DYRK1A: variants seen among roughly 807,000 people sequenced by gnomAD.
DYRK1A encodes the protein dual specificity tyrosine-phosphorylation-regulated kinase 1A.
Under a neutral mutation model 79.7 loss-of-function variants are expected in DYRK1A, and 9 were observed. The ratio of observed to expected loss-of-function variants is 0.11; its 90% CI spans 0.07 to 0.20. The LOEUF is 0.20. Ranked by LOEUF, DYRK1A falls within the 10% of genes least tolerant of loss-of-function variation. The pLI, the probability that DYRK1A is intolerant of heterozygous loss-of-function variation, is 1.00. For missense variants in DYRK1A, 622 were observed against 956.0 expected (o/e 0.65, Z 4.61); for synonymous variants, 349 against 329.7 (o/e 1.06, Z -0.63).
At chr21:37,495,380 G>A (rs745852216) in intron 8 of DYRK1A, among the ~76,000 whole-genome samples, 5 of 152,080 alleles carry the variant, frequency 3.3e-5, no homozygotes, top group Non-Finnish European at 7.4e-5. Flanking sequence ...GCATGGGGCC[G>A]GGCACGGTGG....
At chr21:37,478,490 AAAGAT>A (rs1248950344) in intron 4 of DYRK1A, among the ~76,000 whole-genome samples, 190 bp downstream of exon 4, 2 of 152,214 alleles carry the variant, frequency 1.3e-5, no homozygotes, top group African/African-American at 4.8e-5. Context: ...TGCAGAGTAT[AAAGAT>A]AATTGTGGAT....
intron 1 of DYRK1A, among the ~76,000 whole-genome samples, chr21:37,385,756 A>G (rs1211748673): frequency 6.6e-6 from 1 of 152,214 alleles, no homozygotes; most frequent in Non-Finnish European, 1.5e-5. Context: ...GCTTTAAGAA[A>G]GCACTTTTAG....
intron 2 of DYRK1A, among the ~76,000 whole-genome samples, chr21:37,459,899 T>C (rs1364030894): frequency 6.6e-6 from 1 of 152,206 alleles, no homozygotes; most frequent in African/African-American, 2.4e-5. Flanking sequence ...TTGAGAATAC[T>C]TGTATGCAAA....
Position 37,419,753 on chromosome 21 carries a change from G to T in DYRK1A, c.-76-546G>T, listed in dbSNP as rs181832756. On this transcript the variant is annotated intron_variant, in intron 1 of 11. Coordinates refer to ENST00000647188, the MANE Select transcript of DYRK1A (RefSeq NM_001347721.2). Reference sequence around the variant, plus strand: ...GCAATAAGTAGGAAGTACTGTAAAAGAATTACAATAAAATAAGAGAAACCA... The same window carrying T: ...GCAATAAGTAGGAAGTACTGTAAAATAATTACAATAAAATAAGAGAAACCA... The T allele has an allele frequency of 2.6e-5, 4 of 152,260 alleles. No individual in the cohort carries two copies. The East Asian group carries it at 7.7e-4, about 29-fold the overall frequency. 9.4% of individuals were successfully genotyped at this position (152,260 alleles called of 1,614,324 possible). A position where few individuals can be genotyped will look rare whatever the true frequency, so the allele number is the denominator to read the frequency against.
intron 2 of DYRK1A, among the ~76,000 whole-genome samples, chr21:37,444,988 T>A (rs2051222157): frequency 6.6e-6 from 1 of 152,028 alleles, no homozygotes; most frequent in Admixed American, 6.6e-5. Context: ...TATTTCCATT[T>A]TACAAATGAG....
chr21:37,465,974 C>G (rs539713446), intron 2 of DYRK1A, among the ~76,000 whole-genome samples: 1 of 152,194 alleles, frequency 6.6e-6, no homozygotes, highest in Admixed American at 6.5e-5. Flanking sequence ...TTGTCACCTC[C>G]GCAAGACAGT....
chr21:37,441,491 G>A (rs2051102351), intron 2 of DYRK1A, among the ~76,000 whole-genome samples: 1 of 151,852 alleles, frequency 6.6e-6, no homozygotes, highest in African/African-American at 2.4e-5. Flanking sequence ...CTTTTATTCT[G>A]CTTTTGGATT....
chr21:37,500,027 C>G (rs944502074), intron 9 of DYRK1A, among the ~76,000 whole-genome samples: 1 of 152,152 alleles, frequency 6.6e-6, no homozygotes, highest in African/African-American at 2.4e-5. Flanking sequence ...GTGTGGATTT[C>G]AGCATATTTG....
intron 5 of DYRK1A, among the ~76,000 whole-genome samples, chr21:37,485,292 A>G (rs997165238): frequency 6.6e-6 from 1 of 152,230 alleles, no homozygotes; most frequent in African/African-American, 2.4e-5. Flanking sequence ...TAGTGCAGTC[A>G]GTACATCCAG....
chr21:37,497,708 A>G (rs2053315715), intron 9 of DYRK1A, among the ~76,000 whole-genome samples: 1 of 152,170 alleles, frequency 6.6e-6, no homozygotes, highest in African/African-American at 2.4e-5. Context: ...TCTGCCTTAC[A>G]AAAACCACAG....
At chr21:37,445,170 C>T (rs1301549070) in intron 2 of DYRK1A, among the ~76,000 whole-genome samples, 1 of 152,100 alleles carries the variant, frequency 6.6e-6, no homozygotes, top group African/African-American at 2.4e-5. Context: ...TGTTAGTTTG[C>T]TTTCATAGGG....
chr21:37,440,130 CTTTTTTTT>C (rs1164986221), intron 2 of DYRK1A, among the ~76,000 whole-genome samples: 16 of 37,744 alleles, frequency 4.2e-4, no homozygotes, highest in South Asian at 2.6e-3. Flanking sequence ...TTGTTTGCTC[CTTTTTTTT>C]TTTTTTTTTT....
intron 5 of DYRK1A, 112 bp downstream of exon 5, chr21:37,480,938 C>T (rs2052618091): frequency 1.3e-6 from 1 of 788,110 alleles, no homozygotes; most frequent in African/African-American, 1.8e-5. Context: ...AAATAGAGCT[C>T]AGCAATGGAT....
chr21:37,489,938 A>G (rs908005413), intron 6 of DYRK1A, among the ~76,000 whole-genome samples: 1 of 152,150 alleles, frequency 6.6e-6, no homozygotes, highest in African/African-American at 2.4e-5. Context: ...TTTTGGTAGC[A>G]CTGCTTACCT....
intron 2 of DYRK1A, 38 bp downstream of exon 2, chr21:37,420,422 A>G: frequency 6.2e-7 from 1 of 1,607,606 alleles, no homozygotes; most frequent in South Asian, 1.1e-5. Flanking sequence ...ACTCTGGCTA[A>G]GAGAATGTGG....
At chr21:37,448,871 A>T (rs970878877) in intron 2 of DYRK1A, among the ~76,000 whole-genome samples, 47 of 151,982 alleles carry the variant, frequency 3.1e-4, no homozygotes, top group Non-Finnish European at 4.9e-4. Flanking sequence ...TAATTTAAAA[A>T]TTTTTTTGTG....
chr21:37,453,207 T>TA lies in DYRK1A; in HGVS notation c.11-19469dup, dbSNP rs936849010. Among the ~76,000 whole-genome samples the TA allele has an allele frequency of 1.1e-4, 17 of 152,224 alleles. 1 individual carries two copies. Among genetic ancestry groups the TA allele is most frequent in the African/African-American group, 2.9e-4 (12 of 41,532 alleles). On this transcript the variant is annotated intron_variant, in intron 2 of 11. Transcript: ENST00000647188. The stretch of plus-strand genomic sequence containing the variant: ...CAAAACCTATTATTTCAATTTATAA[T>TA]AAAAAAAATTGAGGTATTTTACATT...
chr21:37,413,267 G>T (rs1602434498), intron 1 of DYRK1A, among the ~76,000 whole-genome samples: 1 of 152,032 alleles, frequency 6.6e-6, no homozygotes, highest in Admixed American at 6.6e-5. Context: ...TTATTTTTCT[G>T]TGTTTCTGAG....
chr21:37,368,943 C>T (rs936271498), intron 1 of DYRK1A, among the ~76,000 whole-genome samples: 8 of 151,960 alleles, frequency 5.3e-5, no homozygotes, highest in African/African-American at 1.9e-4. Context: ...GGTGATGAGG[C>T]CTGTTAATAA....
Sources: allele counts gnomAD v4.1 joint callset (sites outside exome capture counted in the v4.1 genomes callset), GRCh38; gene constraint gnomAD v4.1.1; transcripts MANE v1.5; gene names NCBI Gene and HGNC (gene_info 2026-07-23, HGNC 2026-07-21).